LSAMP: variants seen among roughly 807,000 people sequenced by gnomAD.
LSAMP encodes limbic system associated membrane protein, also known as limbic system-associated membrane protein.
In LSAMP, 7 loss-of-function variants were observed where a neutral mutation model predicts 38.6. The observed-to-expected ratio is 0.18, with a 90% CI of 0.10 to 0.34. The LOEUF is 0.34. Among genes scored for constraint, LSAMP ranks in the 10% least tolerant of loss-of-function variants. The probability of loss-of-function intolerance (pLI) is 1.00; values close to 1 mark genes in which losing one functional copy is unlikely to be tolerated. For missense variants in LSAMP, 313 were observed against 420.0 expected, an observed-to-expected ratio of 0.75 and a Z score of 2.23; for synonymous variants, 154 against 166.8, an observed-to-expected ratio of 0.92 and a Z score of 0.59.
chr3:116,238,811 GA>G (rs756144820), intron 1 of LSAMP, among the ~76,000 whole-genome samples: 7 of 151,718 alleles, frequency 4.6e-5, no homozygotes, highest in Non-Finnish European at 8.8e-5. Context: ...TCTTCAGCAG[GA>G]AATGTGCTCA....
chr3:116,002,890 T>C (rs987337007), intron 3 of LSAMP, among the ~76,000 whole-genome samples: 34 of 152,216 alleles, frequency 2.2e-4, no homozygotes, highest in African/African-American at 8.0e-4. Context: ...TGAGCAATGT[T>C]TGAAGGAACA....
chr3:116,066,886 T>C (rs2141626), intron 2 of LSAMP, among the ~76,000 whole-genome samples: 69,946 of 151,658 alleles, frequency 0.46, 17,306 homozygotes, highest in African/African-American at 0.65. Context: ...CATGTTCTTT[T>C]TATCCAATGT....
chr3:115,936,102 A>G (rs369492565), intron 3 of LSAMP, among the ~76,000 whole-genome samples: 25 of 152,276 alleles, frequency 1.6e-4, no homozygotes, highest in African/African-American at 6.0e-4. Flanking sequence ...TAAACAAGCA[A>G]ATCAATCTGG....
chr3:116,204,245 GTTGT>G (rs2046032003), intron 1 of LSAMP, among the ~76,000 whole-genome samples: 1 of 150,660 alleles, frequency 6.6e-6, no homozygotes, highest in South Asian at 2.1e-4. Flanking sequence ...TTTTGATGGG[GTTGT>G]TTGTTTTTTT....
At chr3:116,257,663 A>G (rs889549766) in intron 1 of LSAMP, among the ~76,000 whole-genome samples, 1 of 152,188 alleles carries the variant, frequency 6.6e-6, no homozygotes. Flanking sequence ...GAGAATTATA[A>G]TGAGCAATGT....
chr3:116,329,955 T>C (rs558507433), intron 1 of LSAMP, among the ~76,000 whole-genome samples: 104 of 152,326 alleles, frequency 6.8e-4, no homozygotes, highest in African/African-American at 2.3e-3. Flanking sequence ...GTGCTTGGCA[T>C]ATATCAGTTA....
chr3:116,071,940 T>A (rs1707615140), intron 2 of LSAMP, among the ~76,000 whole-genome samples: 1 of 152,014 alleles, frequency 6.6e-6, no homozygotes, highest in Admixed American at 6.6e-5. Flanking sequence ...CATTCCTTTT[T>A]GTGGCTGCAT....
intron 1 of LSAMP, among the ~76,000 whole-genome samples, chr3:116,376,230 T>C (rs2048491078): frequency 6.6e-6 from 1 of 152,096 alleles, no homozygotes; most frequent in Non-Finnish European, 1.5e-5. Context: ...AAACAGCTAC[T>C]GGGTCCATTA....
At chr3:115,998,963 C>T (rs1049695929) in intron 3 of LSAMP, among the ~76,000 whole-genome samples, 1 of 152,066 alleles carries the variant, frequency 6.6e-6, no homozygotes, top group African/African-American at 2.4e-5. Context: ...GAAATTCCTC[C>T]AGGGAGGAAG....
intron 3 of LSAMP, among the ~76,000 whole-genome samples, chr3:115,933,122 A>G (rs1937608183): frequency 6.6e-6 from 1 of 152,226 alleles, no homozygotes. Context: ...GTTTCACTCG[A>G]CAAGTATGGA....
chr3:115,877,356 T>G (rs1270828431), intron 3 of LSAMP, among the ~76,000 whole-genome samples: 1 of 152,138 alleles, frequency 6.6e-6, no homozygotes, highest in African/African-American at 2.4e-5. Flanking sequence ...AATGTGTTTG[T>G]GGAAGATAAA....
At position 116,164,760 on chromosome 3, in the gene LSAMP, A is replaced by ATAT. The variant is rs374542146; in HGVS notation, c.156-78205_156-78204insATA. Among the ~76,000 whole-genome samples, 251 of 91,606 alleles carry ATAT rather than the reference A, an allele frequency of 2.7e-3. 25 individuals carry two copies. The highest frequency in any genetic ancestry group is 7.0e-3 in the African/African-American group (140 of 20,010). 60.1% of individuals were successfully genotyped at this position (91,606 alleles called of 152,430 possible). The stretch of plus-strand genomic sequence containing the variant: ...TATATATCCATATATATATATATAT[A>ATAT]TTTTTTTTTTTTTTCAAGTAGCATC... On this transcript the variant is annotated intron_variant, in intron 1 of 6. Coordinates refer to ENST00000490035, the MANE Select transcript of LSAMP (RefSeq NM_002338.5).
Position 116,299,983 on chromosome 3 carries a change from CTG to C in LSAMP, c.155+144892_155+144893del, listed in dbSNP as rs537786216. 7.2e-5 allele frequency among the ~76,000 whole-genome samples: 11 copies of C among 152,300 alleles called. 1 individual carries two copies. In the South Asian group the frequency reaches 2.3e-3, roughly 32 times the overall value. ...AAGGCTTCACTTAGGCCTAGGGAAA[CTG>C]TCTCTAATAAGGCCATCTGTTAACC... is the stretch of plus-strand genomic sequence containing the variant. On this transcript the variant is annotated intron_variant, in intron 1 of 6. Coordinates refer to ENST00000490035, the MANE Select transcript of LSAMP (RefSeq NM_002338.5).
chr3:116,366,010 T>TAAAA (rs2048346770), intron 1 of LSAMP, among the ~76,000 whole-genome samples: 4 of 2,906 alleles, frequency 1.4e-3, no homozygotes, highest in Admixed American at 0.01. Context: ...ACTTAGAGTA[T>TAAAA]AATAAAAAAA....
intron 3 of LSAMP, among the ~76,000 whole-genome samples, chr3:115,877,620 TAC>T (rs1936216065): frequency 6.6e-6 from 1 of 152,134 alleles, no homozygotes; most frequent in African/African-American, 2.4e-5. Context: ...ATCCCTTCCC[TAC>T]TAGAAGCAGA....
At chr3:116,403,929 A>ATT (rs397784042) in intron 1 of LSAMP, among the ~76,000 whole-genome samples, 15,850 of 147,246 alleles carry the variant, frequency 0.11, 1,634 homozygotes, top group African/African-American at 0.28. Flanking sequence ...TACTTTTGTA[A>ATT]TTTTTTTTTT....
At chr3:116,223,394 TATA>T (rs768513238) in intron 1 of LSAMP, among the ~76,000 whole-genome samples, 11 of 152,194 alleles carry the variant, frequency 7.2e-5, no homozygotes, top group South Asian at 2.1e-4. Context: ...CAAATGTAGC[TATA>T]ATAATCAAAA....
chr3:116,250,719 T>C (rs2046670118), intron 1 of LSAMP, among the ~76,000 whole-genome samples: 1 of 143,448 alleles, frequency 7.0e-6, no homozygotes, highest in Non-Finnish European at 1.5e-5. Flanking sequence ...AAAATACAAA[T>C]ATCAGCTAGG....
intron 3 of LSAMP, among the ~76,000 whole-genome samples, chr3:115,969,513 C>T (rs1488547842): frequency 6.6e-6 from 1 of 152,136 alleles, no homozygotes; most frequent in African/African-American, 2.4e-5. Context: ...GACTTGCAAT[C>T]CAAATGGATG....
Sources: gnomAD v4.1 joint callset for allele counts (sites outside exome capture counted in the v4.1 genomes callset) on GRCh38, gnomAD v4.1.1 for gene constraint, MANE v1.5 for transcripts, NCBI Gene and HGNC (gene_info 2026-07-23, HGNC 2026-07-21) for gene names.